GPR158: variants seen among roughly 807,000 people sequenced by gnomAD.
GPR158 encodes metabotropic glycine receptor.
GPR158 carries 30 observed loss-of-function variants against 78.2 expected under a neutral mutation model. The observed-to-expected ratio is 0.38, with a 90% confidence interval of 0.29 to 0.52. GPR158 has a LOEUF of 0.52. Ranked by LOEUF, GPR158 falls within the 20% of genes least tolerant of loss-of-function variation. The pLI is 0.83. For missense variants in GPR158, 1,463 were observed against 1,523.5 expected, an observed-to-expected ratio of 0.96 and a Z score of 0.66; for synonymous variants, 581 against 591.1, an observed-to-expected ratio of 0.98 and a Z score of 0.25.
chr10:25,298,136 C>T (rs1854542045), intron 2 of GPR158, among the ~76,000 whole-genome samples: 1 of 152,178 alleles, frequency 6.6e-6, no homozygotes, highest in African/African-American at 2.4e-5. Flanking sequence ...TAATAGGTTA[C>T]TTCCACTTTG....
At chr10:25,260,119 A>G (rs542920328) in intron 2 of GPR158, among the ~76,000 whole-genome samples, 2 of 152,296 alleles carry the variant, frequency 1.3e-5, no homozygotes, top group Admixed American at 1.3e-4. Flanking sequence ...TGCTTTTTAA[A>G]GAACGAGGTA....
chr10:25,590,019 T>C (rs1837319621), intron 8 of GPR158, among the ~76,000 whole-genome samples: 1 of 152,050 alleles, frequency 6.6e-6, no homozygotes, highest in African/African-American at 2.4e-5. Context: ...CCCCTTTCTT[T>C]AGTTTCAATT....
chr10:25,382,172 A>C (rs1191661296), intron 2 of GPR158, among the ~76,000 whole-genome samples: 2 of 152,228 alleles, frequency 1.3e-5, no homozygotes, highest in African/African-American at 4.8e-5. Flanking sequence ...CAAAGAATTT[A>C]CGTTTGTCAA....
At chr10:25,390,119 T>G (rs187220294) in intron 2 of GPR158, among the ~76,000 whole-genome samples, 2 of 152,216 alleles carry the variant, frequency 1.3e-5, no homozygotes, top group African/African-American at 2.4e-5. Context: ...TCCCCATCCA[T>G]GTGGAACTGT....
intron 1 of GPR158, among the ~76,000 whole-genome samples, chr10:25,187,130 A>C (rs976357771): frequency 1.3e-5 from 2 of 151,120 alleles, no homozygotes; most frequent in Non-Finnish European, 3.0e-5. Flanking sequence ...ACGCCCGGCT[A>C]TTTTTTTTGT....
chr10:25,537,337 A>T (rs1836513956), intron 5 of GPR158, among the ~76,000 whole-genome samples: 1 of 152,184 alleles, frequency 6.6e-6, no homozygotes. Flanking sequence ...TCTAAAGCAT[A>T]AGACCATATA....
chr10:25,504,897 A>C (rs1415181641), intron 5 of GPR158, among the ~76,000 whole-genome samples: 2 of 152,206 alleles, frequency 1.3e-5, no homozygotes, highest in Non-Finnish European at 2.9e-5. Flanking sequence ...AATTGAGAGC[A>C]GTTGCAGTTC....
intron 4 of GPR158, among the ~76,000 whole-genome samples, chr10:25,421,470 C>G (rs907525954): frequency 6.6e-6 from 1 of 152,102 alleles, no homozygotes; most frequent in Non-Finnish European, 1.5e-5. Flanking sequence ...TACCTTTAGT[C>G]CACCTATAGA....
intron 6 of GPR158, among the ~76,000 whole-genome samples, chr10:25,555,057 AGG>A (rs1290324432): frequency 2.0e-5 from 3 of 150,454 alleles, no homozygotes; most frequent in Non-Finnish European, 4.4e-5. Context: ...AAAGGAAAGA[AGG>A]GGAGGGAGGG....
At chr10:25,196,738 T>C (rs373652592) in intron 1 of GPR158, among the ~76,000 whole-genome samples, 2 of 152,326 alleles carry the variant, frequency 1.3e-5, no homozygotes, top group African/African-American at 4.8e-5. Context: ...TTCCCAGAAA[T>C]GTCTTTCAAT....
At chr10:25,482,798 A>G (rs1293543392) in intron 5 of GPR158, among the ~76,000 whole-genome samples, 1 of 152,060 alleles carries the variant, frequency 6.6e-6, no homozygotes, top group Admixed American at 6.6e-5. Flanking sequence ...TTCGTCTGAA[A>G]CTTAACTTCT....
chr10:25,569,241 C>A (rs1836971427), intron 6 of GPR158, among the ~76,000 whole-genome samples: 1 of 151,350 alleles, frequency 6.6e-6, no homozygotes, highest in African/African-American at 2.4e-5. Context: ...ACCCAAAGGG[C>A]CATCTAGAAA....
chr10:25,560,456 G>A (rs951598345), intron 6 of GPR158, among the ~76,000 whole-genome samples: 14 of 151,986 alleles, frequency 9.2e-5, no homozygotes, highest in Non-Finnish European at 1.5e-4. Context: ...TAGTAGAGAC[G>A]GGGTTTCACC....
At chr10:25,429,674 G>A (rs545242518) in intron 4 of GPR158, among the ~76,000 whole-genome samples, 163 of 151,138 alleles carry the variant, frequency 1.1e-3, no homozygotes, top group African/African-American at 3.8e-3. Flanking sequence ...GATCAAGTGG[G>A]CTTCATCCCT....
chr10:25,259,044 T>C (rs1007749654), intron 2 of GPR158, among the ~76,000 whole-genome samples: 3 of 152,164 alleles, frequency 2.0e-5, no homozygotes, highest in Non-Finnish European at 4.4e-5. Flanking sequence ...CCATTACCTT[T>C]ATGACGATCC....
At chr10:25,249,523 G>A (rs539692334) in intron 2 of GPR158, among the ~76,000 whole-genome samples, 9 of 151,516 alleles carry the variant, frequency 5.9e-5, no homozygotes, top group Admixed American at 2.0e-4. Flanking sequence ...TAGCATGAAG[G>A]GTTGTTGAAT....
At chr10:25,590,168 G>T (rs1022227806) in intron 8 of GPR158, among the ~76,000 whole-genome samples, 1 of 152,142 alleles carries the variant, frequency 6.6e-6, no homozygotes, top group Non-Finnish European at 1.5e-5. Flanking sequence ...ATGTGATCTT[G>T]CATCTTTAGA....
At chr10:25,506,236 A>G (rs1327233474) in intron 5 of GPR158, among the ~76,000 whole-genome samples, 2 of 152,200 alleles carry the variant, frequency 1.3e-5, no homozygotes, top group African/African-American at 2.4e-5. Context: ...GTTTATGGTG[A>G]TAGTAGCATT....
At chr10:25,528,477 G>T in intron 5 of GPR158, among the ~76,000 whole-genome samples, 1 of 151,960 alleles carries the variant, frequency 6.6e-6, no homozygotes, top group East Asian at 1.9e-4. Flanking sequence ...AGGGTTCTAG[G>T]ATATTCCTAT....
Sources: gnomAD v4.1 joint callset for allele counts (sites outside exome capture counted in the v4.1 genomes callset) on GRCh38, gnomAD v4.1.1 for gene constraint, MANE v1.5 for transcripts, NCBI Gene and HGNC (gene_info 2026-07-23, HGNC 2026-07-21) for gene names.